The following IL1RAPL1 variants were observed in gnomAD, a reference collection of about 807,000 sequenced individuals.
The protein encoded by IL1RAPL1 is interleukin-1 receptor accessory protein-like 1.
Under a neutral mutation model 48.4 loss-of-function variants are expected in IL1RAPL1, and 3 were observed. The observed-to-expected ratio is 0.06, with a 90% CI of 0.03 to 0.16. The LOEUF (loss-of-function observed/expected upper bound fraction) is 0.16, where lower values mean the gene tolerates loss of function less well. Among genes scored for constraint, IL1RAPL1 ranks in the 10% least tolerant of loss-of-function variants. IL1RAPL1 has a pLI of 1.00. For missense variants in IL1RAPL1, 349 were observed against 530.6 expected (o/e 0.66, Z 3.36); for synonymous variants, 185 against 187.7 (o/e 0.99, Z 0.12).
rs200322927 is a variant in IL1RAPL1 at position 29,752,076 on chromosome X, G to GTATA, written c.778+83575_778+83576insATAT. Reference sequence around the variant, plus strand: ...TATATATATATGTATATATATGTGTGTATGTATATATATATATATATATAT... The same window carrying GTATA: ...TATATATATATGTATATATATGTGTGTATATATGTATATATATATATATATATAT... On this transcript the variant is annotated intron_variant, in intron 6 of 10. Transcript: ENST00000378993. Among the ~76,000 whole-genome samples the GTATA allele has an allele frequency of 1.7e-4, 15 of 89,462 alleles. No homozygotes were observed. In the East Asian group the frequency reaches 2.0e-3, roughly 12 times the overall value. The allele number at this position is 89,462 out of a possible 115,157, so 77.7% of individuals were successfully genotyped here. A position where few individuals can be genotyped will look rare whatever the true frequency, so the allele number is the denominator to read the frequency against.
chrX:29,079,448 C>T (rs2147446565), intron 2 of IL1RAPL1, among the ~76,000 whole-genome samples: 1 of 110,345 alleles, frequency 9.1e-6, no homozygotes, highest in South Asian at 3.9e-4. Flanking sequence ...GGACACCATT[C>T]CCATTGTTGT....
intron 3 of IL1RAPL1, among the ~76,000 whole-genome samples, chrX:29,370,335 G>T (rs1335090917): frequency 1.6e-5 from 1 of 62,079 alleles, no homozygotes; most frequent in South Asian, 5.7e-4. Context: ...ATTATGACAT[G>T]AAGTATTTTT....
chrX:28,877,658 A>G (rs754043703), intron 2 of IL1RAPL1, among the ~76,000 whole-genome samples: 60 of 112,143 alleles, frequency 5.4e-4, no homozygotes, highest in African/African-American at 1.8e-3. Context: ...TAAATCATAT[A>G]TTTTGAGTCA....
At chrX:29,362,556 A>G (rs190449003) in intron 3 of IL1RAPL1, among the ~76,000 whole-genome samples, 155 of 111,644 alleles carry the variant, frequency 1.4e-3, no homozygotes, top group Middle Eastern at 9.1e-3. Flanking sequence ...GCAATGATCT[A>G]CTTTGAAGTA....
At chrX:28,621,348 G>T (rs1277504370) in intron 1 of IL1RAPL1, among the ~76,000 whole-genome samples, 1 of 111,219 alleles carries the variant, frequency 9.0e-6, no homozygotes, top group Non-Finnish European at 1.9e-5. Flanking sequence ...GTTATTTCTT[G>T]GCCTTTTTTT....
chrX:28,815,865 A>ATATATATATG (rs1936861280), intron 2 of IL1RAPL1, among the ~76,000 whole-genome samples: 1 of 73,344 alleles, frequency 1.4e-5, no homozygotes, highest in Admixed American at 1.7e-4. Flanking sequence ...ATATATATAT[A>ATATATATATG]TATATATATA....
chrX:29,010,449 T>C (rs1926096117), intron 2 of IL1RAPL1, among the ~76,000 whole-genome samples: 1 of 111,703 alleles, frequency 9.0e-6, no homozygotes, highest in African/African-American at 3.3e-5. Context: ...GTTTTTATCA[T>C]GAAGGGATGT....
intron 2 of IL1RAPL1, among the ~76,000 whole-genome samples, chrX:28,845,293 A>T (rs987168409): frequency 3.0e-4 from 33 of 111,738 alleles, no homozygotes; most frequent in African/African-American, 1.0e-3. Flanking sequence ...ATTGAAATTG[A>T]TATGTATGTA....
chrX:29,336,307 GT>G lies in IL1RAPL1; in HGVS notation c.362+53091del, dbSNP rs1569289448. 7.4e-3 allele frequency among the ~76,000 whole-genome samples: 79 copies of G among 10,745 alleles called. 7 individuals are homozygous for G. The highest frequency in any genetic ancestry group is 0.043 in the South Asian group (19 of 437). 9.3% of individuals were successfully genotyped at this position (10,745 alleles called of 115,157 possible). ...ATATATATATGCACCGTTTTGGGGT[GT>G]GTGTGTGTGTGTGTGTGTGTGTGTG... On this transcript the variant is annotated intron_variant, in intron 3 of 10. Coordinates refer to ENST00000378993, the MANE Select transcript of IL1RAPL1 (RefSeq NM_014271.4).
chrX:29,827,120 G>A (rs1016991187), intron 6 of IL1RAPL1, among the ~76,000 whole-genome samples: 5 of 112,069 alleles, frequency 4.5e-5, no homozygotes, highest in Non-Finnish European at 7.5e-5. Flanking sequence ...GATGTTGAAC[G>A]TAGTTTTGCG....
At chrX:29,239,715 T>TTG (rs1931371126) in intron 2 of IL1RAPL1, among the ~76,000 whole-genome samples, 1 of 111,146 alleles carries the variant, frequency 9.0e-6, no homozygotes. Context: ...TTGTGAGATT[T>TTG]TTTTTTTTTT....
intron 2 of IL1RAPL1, among the ~76,000 whole-genome samples, chrX:28,895,171 C>T (rs952815072): frequency 6.3e-5 from 7 of 110,435 alleles, no homozygotes; most frequent in Non-Finnish European, 1.3e-4. Context: ...GGTTCGGCAC[C>T]ACGGGGTGGG....
intron 2 of IL1RAPL1, among the ~76,000 whole-genome samples, chrX:28,819,508 A>G (rs1936906466): frequency 9.0e-6 from 1 of 111,218 alleles, no homozygotes; most frequent in Non-Finnish European, 1.9e-5. Flanking sequence ...ACAAATATAT[A>G]CACTCTTAAG....
At chrX:28,854,588 T>C in intron 2 of IL1RAPL1, among the ~76,000 whole-genome samples, 1 of 110,969 alleles carries the variant, frequency 9.0e-6, no homozygotes, top group East Asian at 2.9e-4. Flanking sequence ...AAATAATTAG[T>C]AGGTAAAATC....
chrX:29,913,497 T>G (rs1357385652), intron 6 of IL1RAPL1, among the ~76,000 whole-genome samples: 1 of 106,455 alleles, frequency 9.4e-6, no homozygotes, highest in Non-Finnish European at 2.0e-5. Context: ...CTTAACAGGA[T>G]TCCTACTTAA....
intron 6 of IL1RAPL1, among the ~76,000 whole-genome samples, chrX:29,784,720 A>T (rs776828386): frequency 9.2e-6 from 1 of 109,126 alleles, no homozygotes; most frequent in Non-Finnish European, 1.9e-5. Flanking sequence ...TCCAGCTGAG[A>T]GGAATGGTTG....
intron 8 of IL1RAPL1, among the ~76,000 whole-genome samples, chrX:29,936,518 AACACACACACACACACACACACAC>A (rs55890071): frequency 0.029 from 2,737 of 93,445 alleles, 84 homozygotes; most frequent in African/African-American, 0.1. Context: ...TATATATAGG[AACACACACACACACACACACACAC>A]ACACACACAC....
intron 3 of IL1RAPL1, among the ~76,000 whole-genome samples, chrX:29,364,751 G>A (rs1319294412): frequency 1.8e-5 from 2 of 110,654 alleles, no homozygotes; most frequent in Non-Finnish European, 3.8e-5. Context: ...ATTACTTAAA[G>A]TATACAGGAG....
intron 1 of IL1RAPL1, among the ~76,000 whole-genome samples, chrX:28,768,432 A>C (rs1454175153): frequency 9.1e-6 from 1 of 110,023 alleles, no homozygotes; most frequent in Non-Finnish European, 1.9e-5. Context: ...TTAAAGAACT[A>C]TGTGGAGGAA....
Sources: allele counts gnomAD v4.1 joint callset (sites outside exome capture counted in the v4.1 genomes callset), GRCh38; gene constraint gnomAD v4.1.1; transcripts MANE v1.5; gene names NCBI Gene and HGNC (gene_info 2026-07-23, HGNC 2026-07-21).